Variants in CCDC146 observed in about 807,000 individuals in gnomAD.
CCDC146 encodes the protein coiled-coil domain-containing protein 146.
A neutral mutation model predicts 119.3 loss-of-function variants in CCDC146; 92 were observed. The observed-to-expected ratio is 0.77, with a 90% CI of 0.65 to 0.92. The LOEUF is 0.92. CCDC146 is among the 40% of genes least tolerant of loss of function. The pLI is 0.00. For missense variants in CCDC146, 1,000 were observed against 1,103.0 expected, an observed-to-expected ratio of 0.91 and a Z score of 1.32; for synonymous variants, 372 against 371.8, an observed-to-expected ratio of 1.00 and a Z score of -0.01.
intron 1 of CCDC146, among the ~76,000 whole-genome samples, chr7:77,142,288 C>G (rs549421299): frequency 1.3e-5 from 2 of 150,858 alleles, no homozygotes; most frequent in African/African-American, 4.9e-5. Flanking sequence ...TCTCTGTTTG[C>G]AGATGACATG....
chr7:77,237,540 G>GT (rs534391058), intron 3 of CCDC146, among the ~76,000 whole-genome samples: 1 of 152,194 alleles, frequency 6.6e-6, no homozygotes, highest in Non-Finnish European at 1.5e-5. Context: ...AAGGATTCTG[G>GT]TGGGACACTG....
intron 2 of CCDC146, among the ~76,000 whole-genome samples, chr7:77,220,143 G>T (rs1056068753): frequency 6.6e-6 from 1 of 152,164 alleles, no homozygotes; most frequent in African/African-American, 2.4e-5. Flanking sequence ...ATCTACAACT[G>T]CATAAGACAG....
intron 4 of CCDC146, among the ~76,000 whole-genome samples, chr7:77,248,301 G>A (rs1792993306): frequency 6.6e-6 from 1 of 152,158 alleles, no homozygotes. Flanking sequence ...GGTGAAGGAT[G>A]AGAAATGACT....
At chr7:77,291,549 A>G (rs1390779058) in intron 17 of CCDC146, among the ~76,000 whole-genome samples, 1 of 152,190 alleles carries the variant, frequency 6.6e-6, no homozygotes, top group Non-Finnish European at 1.5e-5. Flanking sequence ...TACAAAAAAT[A>G]CAAAAACAAA....
rs921156225 is a variant in CCDC146 at position 77,142,110 on chromosome 7, A to C, written c.-12+19378A>C. ...TTATGACAAACCCACAGCCAATATC[A>C]TACTGAATGGGCAAAAGCTGGAAGG... On this transcript the variant is annotated intron_variant, in intron 1 of 18. Coordinates refer to ENST00000285871, the MANE Select transcript of CCDC146 (RefSeq NM_020879.3). Among the ~76,000 whole-genome samples the C allele has an allele frequency of 3.3e-5, 5 of 152,270 alleles. No homozygotes were observed. The South Asian group carries it at 1.0e-3, about 32-fold the overall frequency.
At chr7:77,145,065 G>C (rs1259540307) in intron 1 of CCDC146, among the ~76,000 whole-genome samples, 20 of 151,732 alleles carry the variant, frequency 1.3e-4, no homozygotes, top group Admixed American at 1.3e-3. Context: ...TTTTTGGTTA[G>C]TAGGCTATTA....
At chr7:77,178,443 C>T (rs1319212588) in intron 2 of CCDC146, among the ~76,000 whole-genome samples, 1 of 152,172 alleles carries the variant, frequency 6.6e-6, no homozygotes, top group Non-Finnish European at 1.5e-5. Context: ...AAACCCAAGG[C>T]TAGGAATGGG....
At position 77,258,990 on chromosome 7, in the gene CCDC146, A is replaced by G. The variant is rs1444243697; in HGVS notation, c.685-5A>G. ...TAATTTAACATGATTTCGTTTCTTT[A>G]CTAGGATGAAGTGGCCCACCATCAA... On this transcript the variant is annotated splice_polypyrimidine_tract_variant and splice_region_variant and intron_variant, in intron 6 of 18. Transcript: ENST00000285871. 8.1e-6 allele frequency: 13 copies of G among 1,604,538 alleles called. No individual in the cohort carries two copies. Among genetic ancestry groups the G allele is most frequent in the Non-Finnish European group, 1.1e-5 (13 of 1,172,636 alleles).
At chr7:77,276,153 C>T (rs1004524657) in intron 11 of CCDC146, among the ~76,000 whole-genome samples, 6 of 139,948 alleles carry the variant, frequency 4.3e-5, no homozygotes, top group Non-Finnish European at 7.5e-5. Context: ...TTGTAGTGAG[C>T]CAAAATCGCA....
At chr7:77,199,107 G>T in intron 2 of CCDC146, 1 of 1,293,454 alleles carries the variant, frequency 7.7e-7, no homozygotes, top group Non-Finnish European at 1.1e-6. Flanking sequence ...TACTGACTCA[G>T]GTTAATGTTT....
At chr7:77,245,451 G>A (rs542019911) in intron 4 of CCDC146, among the ~76,000 whole-genome samples, 10 of 152,232 alleles carry the variant, frequency 6.6e-5, no homozygotes, top group African/African-American at 9.6e-5. Flanking sequence ...AATACGTTGC[G>A]TCTTTCATGC....
At chr7:77,243,144 G>A (rs1584105435) in intron 4 of CCDC146, among the ~76,000 whole-genome samples, 1 of 152,156 alleles carries the variant, frequency 6.6e-6, no homozygotes. Flanking sequence ...GAAAGAGTAA[G>A]AAGAACATAA....
intron 2 of CCDC146, among the ~76,000 whole-genome samples, chr7:77,173,676 C>T (rs574195641): frequency 1.3e-5 from 2 of 152,320 alleles, no homozygotes; most frequent in Admixed American, 1.3e-4. Context: ...CACACAACTC[C>T]CATCAATGGG....
intron 11 of CCDC146, among the ~76,000 whole-genome samples, chr7:77,274,982 C>G (rs1472587097): frequency 6.8e-6 from 1 of 147,990 alleles, no homozygotes; most frequent in Non-Finnish European, 1.5e-5. Context: ...ACATACGTAA[C>G]TAACTTGCAC....
rs554998292 is a variant in CCDC146, at chr7:77,138,113, T to C, written c.-12+15381T>C. Among the ~76,000 whole-genome samples, 292 of 151,820 alleles carry C rather than the reference T, an allele frequency of 1.9e-3. 1 individual carries two copies. The highest frequency in any genetic ancestry group is 6.8e-3 in the African/African-American group (280 of 41,384). ...GAGGAAGGAAGCTATAAAGCTATAG[T>C]AATCAAGACAGTATGGTACTGGCAA... On this transcript the variant is annotated intron_variant, in intron 1 of 18. Coordinates refer to ENST00000285871, the MANE Select transcript of CCDC146 (RefSeq NM_020879.3).
chr7:77,233,665 C>T (rs879484983), intron 2 of CCDC146, among the ~76,000 whole-genome samples: 11 of 152,202 alleles, frequency 7.2e-5, no homozygotes, highest in South Asian at 6.2e-4. Flanking sequence ...CCCTCACATG[C>T]GCATTTCACA....
intron 1 of CCDC146, among the ~76,000 whole-genome samples, chr7:77,147,812 C>A (rs944895616): frequency 6.6e-6 from 1 of 152,250 alleles, no homozygotes; most frequent in Non-Finnish European, 1.5e-5. Flanking sequence ...AAGTGTCAGT[C>A]TGCCTCTACT....
rs755525383 is a variant in CCDC146, at chr7:77,294,842, T to G, written c.2844T>G (p.Pro948=). The G allele has an allele frequency of 6.2e-7, 1 of 1,613,954 alleles. No individual in the cohort carries two copies. Among genetic ancestry groups the G allele is most frequent in the Admixed American group, 1.7e-5 (1 of 60,010 alleles). ...PGANMRHIRK[P]VIKPVEI ...CCAATATGAGGCACATAAGGAAACCTGTTATAAAGCCAGTTGAAATCTGAA... is the reference window on the plus strand; with the variant it reads ...CCAATATGAGGCACATAAGGAAACCGGTTATAAAGCCAGTTGAAATCTGAA... Residue 948 remains proline (P), a synonymous_variant, in exon 19 of 19, where the codon CCT becomes CCG. Transcript: ENST00000285871.
intron 9 of CCDC146, among the ~76,000 whole-genome samples, chr7:77,271,675 CT>C (rs1405220628): frequency 6.6e-6 from 1 of 150,856 alleles, no homozygotes; most frequent in Admixed American, 6.6e-5. Flanking sequence ...ATCATGTCAC[CT>C]CTTCCACAAG....
Sources: gnomAD v4.1 joint callset for allele counts (sites outside exome capture counted in the v4.1 genomes callset) on GRCh38, gnomAD v4.1.1 for gene constraint, MANE v1.5 for transcripts, NCBI Gene and HGNC (gene_info 2026-07-23, HGNC 2026-07-21) for gene names.